The following CACNA1A variants were observed in gnomAD, a reference collection of about 807,000 sequenced individuals.
CACNA1A encodes voltage-dependent P/Q-type calcium channel subunit alpha-1A.
A neutral mutation model predicts 262.4 loss-of-function variants in CACNA1A; 57 were observed. The observed-to-expected ratio is 0.22, with a 90% CI of 0.18 to 0.27. The LOEUF (loss-of-function observed/expected upper bound fraction) is 0.27. CACNA1A is among the 10% of genes least tolerant of loss of function. The pLI, the probability that CACNA1A is intolerant of heterozygous loss-of-function variation, is 1.00. For synonymous variants in CACNA1A, 1,431 were observed against 1,419.3 expected (o/e 1.01, Z -0.18); for missense variants, 2,526 against 3,562.8 (o/e 0.71, Z 7.41).
chr19:13,325,178 C>CTT (rs1432991495), intron 10 of CACNA1A, among the ~76,000 whole-genome samples: 2 of 139,526 alleles, frequency 1.4e-5, no homozygotes, highest in African/African-American at 5.9e-5. Context: ...CTTCTTTCCT[C>CTT]CTCTTCTTCT....
At chr19:13,334,573 GTGTGTGTGTGTGTGTGTGTT>G in intron 7 of CACNA1A, 80 bp from the exon 8 acceptor site, 3 of 662,236 alleles carry the variant, frequency 4.5e-6, no homozygotes, top group Non-Finnish European at 8.0e-6. Context: ...GTGTGTGTGT[GTGTGTGTGTGTGTGTGTGTT>G]TGTGTGTGTG....
intron 3 of CACNA1A, among the ~76,000 whole-genome samples, chr19:13,446,250 G>GAAAAAAAAAAAA (rs59977753): frequency 1.1e-5 from 1 of 90,242 alleles, no homozygotes. Context: ...ACTCTGTCCC[G>GAAAAAAAAAAAA]AAAAAAAAAA....
At chr19:13,441,174 C>T (rs2060712020) in intron 3 of CACNA1A, among the ~76,000 whole-genome samples, 1 of 152,090 alleles carries the variant, frequency 6.6e-6, no homozygotes, top group Non-Finnish European at 1.5e-5. Context: ...CAGGGAGGTA[C>T]AGTAACTTGC....
At chr19:13,331,188 C>T (rs1420282112) in intron 9 of CACNA1A, among the ~76,000 whole-genome samples, 1 of 152,024 alleles carries the variant, frequency 6.6e-6, no homozygotes, top group African/African-American at 2.4e-5. Flanking sequence ...CTTTTATTTC[C>T]CTCAAATCTC....
chr19:13,265,510 T>A (rs534821965), intron 24 of CACNA1A, among the ~76,000 whole-genome samples: 2 of 152,340 alleles, frequency 1.3e-5, no homozygotes, highest in Non-Finnish European at 2.9e-5. Context: ...TTTTTTTTTC[T>A]TTTTAAAACT....
intron 19 of CACNA1A, among the ~76,000 whole-genome samples, chr19:13,293,614 A>AT (rs200663204): frequency 0.17 from 23,750 of 137,818 alleles, 2,127 homozygotes; most frequent in Non-Finnish European, 0.21. Flanking sequence ...CGCCCGGCTA[A>AT]TTTTTTTTTT....
At position 13,227,256 on chromosome 19, in the gene CACNA1A, T is replaced by C. The variant is rs1465986675; in HGVS notation, c.5625+175A>G. ...CAGTGTGCTGCTTAGAATCAAGGGA[T>C]GGTCATGATCAGTTGACTCGAGAAA... is the stretch of plus-strand genomic sequence containing the variant. On this transcript the variant is annotated intron_variant, in intron 37 of 46. Coordinates refer to ENST00000360228, the MANE Select transcript of CACNA1A (RefSeq NM_001127222.2). 11 of 387,266 alleles carry C rather than the reference T, an allele frequency of 2.8e-5. No individual in the cohort carries two copies. In the East Asian group the frequency reaches 3.9e-4, roughly 14 times the overall value. The allele number at this position is 387,266 out of a possible 1,614,324, so 24.0% of individuals were successfully genotyped here.
At chr19:13,283,243 A>G in intron 22 of CACNA1A, 24 bp downstream of exon 22, 1 of 1,608,838 alleles carries the variant, frequency 6.2e-7, no homozygotes, top group South Asian at 1.1e-5. Flanking sequence ...CAGGCTAGGA[A>G]GGGGTGTGCT....
At chr19:13,325,110 C>G (rs1372374222) in intron 10 of CACNA1A, among the ~76,000 whole-genome samples, 1 of 135,904 alleles carries the variant, frequency 7.4e-6, no homozygotes, top group Non-Finnish European at 1.6e-5. Flanking sequence ...CTTCTTCTTC[C>G]CCTTCCCCTT....
intron 6 of CACNA1A, 75 bp downstream of exon 6, chr19:13,359,531 G>T: frequency 1.7e-6 from 2 of 1,173,644 alleles, no homozygotes; most frequent in Non-Finnish European, 2.5e-6. Flanking sequence ...TTGCAGCCTT[G>T]GAGTCTCACT....
At chr19:13,466,060 G>A (rs1006138063) in intron 1 of CACNA1A, among the ~76,000 whole-genome samples, 7 of 152,084 alleles carry the variant, frequency 4.6e-5, no homozygotes, top group African/African-American at 1.4e-4. Context: ...TCCTTTAGGG[G>A]TGGTGAAAAT....
chr19:13,393,640 CTCTT>C (rs1382771504), intron 3 of CACNA1A, among the ~76,000 whole-genome samples: 15 of 141,922 alleles, frequency 1.1e-4, no homozygotes, highest in Middle Eastern at 3.6e-3. Flanking sequence ...CTTTAGCTTT[CTCTT>C]TCTTTCTCTG....
intron 3 of CACNA1A, among the ~76,000 whole-genome samples, chr19:13,414,618 G>A (rs887999864): frequency 6.6e-6 from 1 of 152,128 alleles, no homozygotes; most frequent in African/African-American, 2.4e-5. Flanking sequence ...AGCATCATCA[G>A]GCTGAGAAGA....
intron 3 of CACNA1A, among the ~76,000 whole-genome samples, chr19:13,402,664 C>T (rs536609444): frequency 2.0e-5 from 3 of 148,330 alleles, no homozygotes; most frequent in Non-Finnish European, 3.0e-5. Context: ...ATAAAACATT[C>T]AATTATAATT....
rs561162937 is a variant in CACNA1A at position 13,392,826 on chromosome 19, A to C, written c.540-21047T>G. Among the ~76,000 whole-genome samples, 9 of 152,260 alleles carry C rather than the reference A, an allele frequency of 5.9e-5. No individual in the cohort carries two copies. The East Asian group carries it at 1.5e-3, about 26-fold the overall frequency. On this transcript the variant is annotated intron_variant, in intron 3 of 46. Coordinates refer to ENST00000360228, the MANE Select transcript of CACNA1A (RefSeq NM_001127222.2). ...CAGTAGTGCAATCTCTGCTCACTGC[A>C]ACCTCTGCCTCCCAGGTTCAAGCAA... is the stretch of plus-strand genomic sequence containing the variant.
intron 1 of CACNA1A, among the ~76,000 whole-genome samples, chr19:13,471,946 C>T (rs887529984): frequency 2.6e-5 from 4 of 152,122 alleles, no homozygotes; most frequent in Non-Finnish European, 5.9e-5. Context: ...ACTTATGTTG[C>T]ATGAATTTCA....
At chr19:13,490,656 G>A (rs1980655638) in intron 1 of CACNA1A, among the ~76,000 whole-genome samples, 1 of 117,236 alleles carries the variant, frequency 8.5e-6, no homozygotes, top group East Asian at 2.4e-4. Flanking sequence ...GAAGGAAGGA[G>A]AAAGAAGGAA....
At chr19:13,264,017 A>T in intron 24 of CACNA1A, among the ~76,000 whole-genome samples, 2 of 152,256 alleles carry the variant, frequency 1.3e-5, no homozygotes, top group South Asian at 4.2e-4. Flanking sequence ...GGCTGCTGCC[A>T]TGGTCTCTGC....
At chr19:13,464,931 C>T (rs978629565) in intron 1 of CACNA1A, among the ~76,000 whole-genome samples, 3 of 151,682 alleles carry the variant, frequency 2.0e-5, no homozygotes, top group East Asian at 1.9e-4. Context: ...TTTCTCTTCT[C>T]TTCTCTTTTC....
Sources: gnomAD v4.1 joint callset for allele counts (sites outside exome capture counted in the v4.1 genomes callset) on GRCh38, gnomAD v4.1.1 for gene constraint, MANE v1.5 for transcripts, NCBI Gene and HGNC (gene_info 2026-07-23, HGNC 2026-07-21) for gene names.